The following MEGF11 variants were observed in gnomAD, a reference collection of about 807,000 sequenced individuals.
MEGF11 encodes the protein multiple epidermal growth factor-like domains protein 11.
In MEGF11, 126 loss-of-function variants were observed where a neutral mutation model predicts 146.6. The observed-to-expected ratio is 0.86, with a 90% CI of 0.74 to 1.00. The LOEUF is 1.00. MEGF11 is among the 50% of genes least tolerant of loss of function. MEGF11 has a pLI of 0.00. For missense variants in MEGF11, 1,509 were observed against 1,521.2 expected (o/e 0.99, Z 0.13); for synonymous variants, 532 against 583.4 (o/e 0.91, Z 1.27).
intron 5 of MEGF11, among the ~76,000 whole-genome samples, chr15:66,023,140 C>CAAAAAAAAAAAAAAAAAAAAAAAAAA (rs375962533): frequency 8.1e-6 from 1 of 123,712 alleles, no homozygotes; most frequent in African/African-American, 3.2e-5. Flanking sequence ...GACTCCATCT[C>CAAAAAAAAAAAAAAAAAAAAAAAAAA]AAAAAAAAAA....
Position 65,952,336 on chromosome 15 carries a change from A to G in MEGF11, c.1287+5211T>C, listed in dbSNP as rs538970002. On this transcript the variant is annotated intron_variant, in intron 10 of 25. Transcript: ENST00000395614. ...GAGGTTTATTTGGTGGGCAGTGGGG[A>G]GCCACAGAGAGGGGTGATGTGATGC... 2.0e-5 allele frequency among the ~76,000 whole-genome samples: 3 copies of G among 152,242 alleles called. No individual in the cohort carries two copies. In the East Asian group the frequency reaches 5.8e-4, roughly 29 times the overall value.
At chr15:66,164,252 A>T (rs1381194307) in intron 1 of MEGF11, among the ~76,000 whole-genome samples, 1 of 152,166 alleles carries the variant, frequency 6.6e-6, no homozygotes, top group Non-Finnish European at 1.5e-5. Context: ...TGGACAGAGA[A>T]GGGCCAGGCT....
intron 1 of MEGF11, among the ~76,000 whole-genome samples, chr15:66,247,292 GATGATTA>G (rs2092309476): frequency 6.6e-6 from 1 of 152,124 alleles, no homozygotes; most frequent in Admixed American, 6.5e-5. Flanking sequence ...CCCTGCATTA[GATGATTA>G]TAAATTCTTT....
chr15:66,009,717 C>T lies in MEGF11; in HGVS notation c.395-27229G>A, dbSNP rs138727293. 2.7e-3 allele frequency among the ~76,000 whole-genome samples: 405 copies of T among 151,944 alleles called. 4 individuals carry two copies. The highest frequency in any genetic ancestry group is 0.016 in the East Asian group (80 of 5,142). The stretch of plus-strand genomic sequence containing the variant: ...ACGCCATTCTCCTGCCTCAGCCTCC[C>T]GAGTAGCTGGGACTACAGACACATG... On this transcript the variant is annotated intron_variant, in intron 5 of 25. Transcript: ENST00000395614.
intron 5 of MEGF11, among the ~76,000 whole-genome samples, chr15:66,054,491 T>C (rs992829029): frequency 6.6e-6 from 1 of 152,096 alleles, no homozygotes; most frequent in African/African-American, 2.4e-5. Flanking sequence ...GAATGTCCCT[T>C]CCCCACTCTG....
chr15:66,175,195 C>A (rs1243379141), intron 1 of MEGF11, among the ~76,000 whole-genome samples: 1 of 152,122 alleles, frequency 6.6e-6, no homozygotes, highest in Admixed American at 6.5e-5. Context: ...TTATTTCTTT[C>A]TCTTGCCTAT....
intron 4 of MEGF11, among the ~76,000 whole-genome samples, chr15:66,111,079 T>C (rs1381092860): frequency 6.6e-6 from 1 of 152,212 alleles, no homozygotes; most frequent in African/African-American, 2.4e-5. Flanking sequence ...AATCTGGGCC[T>C]GCCACTTATC....
intron 12 of MEGF11, 43 bp downstream of exon 12, chr15:65,929,677 G>T: frequency 6.5e-7 from 1 of 1,534,852 alleles, no homozygotes; most frequent in Non-Finnish European, 8.8e-7. Context: ...AGGGCGTGAG[G>T]GGATGCGGAG....
At chr15:65,919,767 G>A (rs11633455) in intron 15 of MEGF11, among the ~76,000 whole-genome samples, 9,593 of 152,138 alleles carry the variant, frequency 0.063, 426 homozygotes, top group Non-Finnish European at 0.093. Context: ...AGATAGGCAC[G>A]CGCCACCATG....
chr15:66,146,215 A>C (rs1453497241), intron 1 of MEGF11, among the ~76,000 whole-genome samples: 1 of 152,238 alleles, frequency 6.6e-6, no homozygotes, highest in East Asian at 1.9e-4. Context: ...AACGCAAGCG[A>C]AAGTGCTTTG....
chr15:66,207,780 C>T (rs2091338818), intron 1 of MEGF11, among the ~76,000 whole-genome samples: 1 of 152,130 alleles, frequency 6.6e-6, no homozygotes, highest in Non-Finnish European at 1.5e-5. Flanking sequence ...ATGACAATTA[C>T]TGGCATAAAG....
At chr15:66,162,050 C>T (rs191632638) in intron 1 of MEGF11, among the ~76,000 whole-genome samples, 3 of 152,112 alleles carry the variant, frequency 2.0e-5, no homozygotes, top group Admixed American at 1.3e-4. Context: ...TTGAGGCCCA[C>T]GGAATTGATC....
intron 1 of MEGF11, among the ~76,000 whole-genome samples, chr15:66,252,093 G>A (rs887794319): frequency 6.6e-6 from 1 of 152,310 alleles, no homozygotes; most frequent in Non-Finnish European, 1.5e-5. Context: ...GAGCTGCTGG[G>A]CCGGGGCTCC....
intron 5 of MEGF11, among the ~76,000 whole-genome samples, chr15:66,065,013 G>T (rs528246631): frequency 6.6e-4 from 101 of 152,276 alleles, no homozygotes; most frequent in African/African-American, 2.4e-3. Context: ...TCCATGCAGT[G>T]CCATGCCAAT....
intron 3 of MEGF11, among the ~76,000 whole-genome samples, chr15:66,120,522 G>A (rs536602977): frequency 6.6e-6 from 1 of 152,330 alleles, no homozygotes; most frequent in Non-Finnish European, 1.5e-5. Flanking sequence ...GGAGGGCCAG[G>A]CCAGCTTGGG....
At chr15:65,999,314 G>A (rs1388525872) in intron 5 of MEGF11, among the ~76,000 whole-genome samples, 1 of 152,116 alleles carries the variant, frequency 6.6e-6, no homozygotes, top group Non-Finnish European at 1.5e-5. Flanking sequence ...ACAGGGGTAA[G>A]CCACTGCACC....
intron 1 of MEGF11, among the ~76,000 whole-genome samples, chr15:66,247,820 TG>T (rs66924675): frequency 0.17 from 25,996 of 151,940 alleles, 2,664 homozygotes; most frequent in Middle Eastern, 0.31. Context: ...GCAGATCACC[TG>T]AGGTTGGGAG....
intron 5 of MEGF11, among the ~76,000 whole-genome samples, chr15:66,092,271 C>T (rs1372888331): frequency 6.6e-6 from 1 of 152,236 alleles, no homozygotes; most frequent in Non-Finnish European, 1.5e-5. Context: ...ACATTCAGTG[C>T]TCTGAATGAC....
At chr15:66,111,299 G>C (rs1364137926) in intron 4 of MEGF11, among the ~76,000 whole-genome samples, 1 of 152,172 alleles carries the variant, frequency 6.6e-6, no homozygotes, top group African/African-American at 2.4e-5. Context: ...ATGTCACAGG[G>C]GTTGGTTATA....
Sources: allele counts gnomAD v4.1 joint callset (sites outside exome capture counted in the v4.1 genomes callset), GRCh38; gene constraint gnomAD v4.1.1; transcripts MANE v1.5; gene names NCBI Gene and HGNC (gene_info 2026-07-23, HGNC 2026-07-21).